Variants in SLC2A14 observed in about 807,000 individuals in gnomAD.
SLC2A14 encodes solute carrier family 2, facilitated glucose transporter member 14.
In SLC2A14, 13 loss-of-function variants were observed where a neutral mutation model predicts 43.0. The observed-to-expected ratio is 0.30, with a 90% CI of 0.20 to 0.48. SLC2A14 has a LOEUF of 0.48. SLC2A14 is among the 20% of genes least tolerant of loss of function. The probability of loss-of-function intolerance (pLI) is 0.99; values close to 1 mark genes in which losing one functional copy is unlikely to be tolerated. For synonymous variants in SLC2A14, 190 were observed against 233.8 expected (o/e 0.81, Z 1.71); for missense variants, 428 against 620.4 (o/e 0.69, Z 3.29).
At chr12:7,886,997 C>T (rs373709605) in intron 1 of SLC2A14, among the ~76,000 whole-genome samples, 5 of 151,214 alleles carry the variant, frequency 3.3e-5, no homozygotes, top group African/African-American at 1.2e-4. Context: ...CTGCAACCTC[C>T]GCCTCCCAGG....
chr12:7,867,306 A>AAAAAAC (rs1944979230), intron 2 of SLC2A14, among the ~76,000 whole-genome samples: 1 of 129,886 alleles, frequency 7.7e-6, no homozygotes, highest in Non-Finnish European at 1.6e-5. Flanking sequence ...AAAAACAAAA[A>AAAAAAC]AAACATTCGT....
chr12:7,853,569 C>A (rs35128188), intron 2 of SLC2A14, among the ~76,000 whole-genome samples: 19,574 of 151,896 alleles, frequency 0.13, 1,315 homozygotes, highest in African/African-American at 0.14. Flanking sequence ...CACTACACTG[C>A]AGCCTGGGTG....
intron 2 of SLC2A14, among the ~76,000 whole-genome samples, chr12:7,842,693 G>C (rs896854509): frequency 6.6e-6 from 1 of 150,572 alleles, no homozygotes; most frequent in Non-Finnish European, 1.5e-5. Context: ...GAAGTGCTTA[G>C]CTGACTCACA....
intron 2 of SLC2A14, among the ~76,000 whole-genome samples, chr12:7,840,483 G>A (rs553199388): frequency 9.9e-5 from 15 of 151,974 alleles, no homozygotes; most frequent in African/African-American, 2.2e-4. Flanking sequence ...GGGTTCAAGC[G>A]ATTCTCCTGC....
In SLC2A14 at chr12:7,821,190, C is replaced by G. The variant is rs751933235; in HGVS notation, c.969+31G>C. ...ACATCTGTAGCAAGGATTCATTTCT[C>G]CCCCCAAAATTATCAAACCATCCAA... On this transcript the variant is annotated intron_variant, in intron 8 of 10. Transcript: ENST00000431042. The G allele has an allele frequency of 7.8e-6, 12 of 1,539,352 alleles. No individual in the cohort carries two copies. In the South Asian group the frequency reaches 1.2e-4, roughly 16 times the overall value.
chr12:7,827,444 T>C, intron 7 of SLC2A14, 51 bp downstream of exon 7: 1 of 1,586,844 alleles, frequency 6.3e-7, no homozygotes, highest in East Asian at 2.3e-5. Context: ...ATGCCTGGCA[T>C]TTTAAGTGAA....
intron 1 of SLC2A14, among the ~76,000 whole-genome samples, chr12:7,880,554 T>A (rs1253551193): frequency 6.6e-6 from 1 of 151,180 alleles, no homozygotes; most frequent in Non-Finnish European, 1.5e-5. Context: ...TGAGGCTGGG[T>A]GTGGTGGCCC....
rs141099497 is a variant in SLC2A14 at position 7,887,609 on chromosome 12, A to T, written c.132+3387T>A. Among the ~76,000 whole-genome samples, 7 of 116,226 alleles carry T rather than the reference A, an allele frequency of 6.0e-5. No individual in the cohort carries two copies. The South Asian group carries it at 1.3e-3, about 21-fold the overall frequency. The allele number at this position is 116,226 out of a possible 152,430, so 76.2% of individuals were successfully genotyped here. On this transcript the variant is annotated intron_variant, in intron 1 of 9. Coordinates refer to the SLC2A14 transcript ENST00000539924. ...GATAGATAGATAGATAGATAGATAG[A>T]TAGTTAGATAGATAGATAGAATGTA...
At chr12:7,843,262 T>C (rs1482754898) in intron 2 of SLC2A14, among the ~76,000 whole-genome samples, 9 of 150,418 alleles carry the variant, frequency 6.0e-5, no homozygotes, top group Non-Finnish European at 2.9e-5. Flanking sequence ...GAATAGCTGC[T>C]GAGTAGAAAG....
At chr12:7,860,412 G>C (rs1388331068) in intron 2 of SLC2A14, 1 of 152,204 alleles carries the variant, frequency 6.6e-6, no homozygotes, top group African/African-American at 2.4e-5. Flanking sequence ...TTAGGAACTA[G>C]TTGGTCAGGA....
intron 2 of SLC2A14, among the ~76,000 whole-genome samples, chr12:7,862,238 T>C (rs368185863): frequency 8.2e-6 from 1 of 121,680 alleles, no homozygotes; most frequent in African/African-American, 3.2e-5. Flanking sequence ...CACTCCAGCC[T>C]GGGCTACAGA....
In SLC2A14 at chr12:7,826,861, T is replaced by TCTTTCTTTTTTTTC. The variant is rs1555121667; in HGVS notation, c.864+633_864+634insGAAAAAAAAGAAAG. 1.0e-4 allele frequency among the ~76,000 whole-genome samples: 6 copies of TCTTTCTTTTTTTTC among 60,266 alleles called. 1 individual carries two copies. The highest frequency in any genetic ancestry group is 1.9e-4 in the Non-Finnish European group (6 of 31,306). The allele number at this position is 60,266 out of a possible 152,430, so 39.5% of individuals were successfully genotyped here. Reference sequence around the variant, plus strand: ...TCCTTCCTTCCTTCCTTCCTTTCTTTTTTCTTTCTTTCTTTCTTTCTTTCT... The same window carrying TCTTTCTTTTTTTTC: ...TCCTTCCTTCCTTCCTTCCTTTCTTTCTTTCTTTTTTTTCTTTCTTTCTTTCTTTCTTTCTTTCT... On this transcript the variant is annotated intron_variant, in intron 7 of 10. Transcript: ENST00000431042.
At chr12:7,861,064 T>C (rs1436467341) in intron 2 of SLC2A14, among the ~76,000 whole-genome samples, 14 of 152,148 alleles carry the variant, frequency 9.2e-5, no homozygotes, top group Admixed American at 6.6e-5. Context: ...AGTGCTGGGA[T>C]TACAGGCGTG....
At chr12:7,873,529 T>C (rs1357455937), upstream of SLC2A14, 1 of 194,336 alleles carries the variant, frequency 5.1e-6, no homozygotes, top group African/African-American at 2.4e-5. Context: ...TAGTCCCAAC[T>C]GCTTGGGAGG....
intron 1 of SLC2A14, among the ~76,000 whole-genome samples, chr12:7,882,973 G>C (rs1224376773): frequency 1.3e-5 from 2 of 151,892 alleles, no homozygotes; most frequent in Non-Finnish European, 2.9e-5. Flanking sequence ...GACTTCGGGA[G>C]GCCAAGGTGG....
chr12:7,879,456 C>A (rs773967109), intron 1 of SLC2A14, among the ~76,000 whole-genome samples: 1 of 151,728 alleles, frequency 6.6e-6, no homozygotes, highest in Non-Finnish European at 1.5e-5. Flanking sequence ...CCAAGGGGAG[C>A]GGATCAACTG....
intron 2 of SLC2A14, among the ~76,000 whole-genome samples, chr12:7,868,343 A>G (rs907071156): frequency 6.6e-6 from 1 of 152,232 alleles, no homozygotes; most frequent in Non-Finnish European, 1.5e-5. Flanking sequence ...ATAATGTAAC[A>G]TAACTTTTAT....
At chr12:7,880,230 G>T (rs1945541095) in intron 1 of SLC2A14, among the ~76,000 whole-genome samples, 2 of 152,062 alleles carry the variant, frequency 1.3e-5, no homozygotes, top group African/African-American at 4.8e-5. Context: ...GAACCTGGAG[G>T]CGGAGGTTGC....
At chr12:7,826,134 A>G (rs145894740) in intron 7 of SLC2A14, among the ~76,000 whole-genome samples, 2,909 of 151,998 alleles carry the variant, frequency 0.019, 86 homozygotes, top group African/African-American at 0.066. Flanking sequence ...CGTGTGGCCT[A>G]CATTATCATT....
Sources: gnomAD v4.1 joint callset for allele counts (sites outside exome capture counted in the v4.1 genomes callset) on GRCh38, gnomAD v4.1.1 for gene constraint, MANE v1.5 for transcripts, NCBI Gene and HGNC (gene_info 2026-07-23, HGNC 2026-07-21) for gene names.